Variants in CDH12 observed in about 807,000 individuals in gnomAD.
CDH12 encodes the protein cadherin-12.
In CDH12, 41 loss-of-function variants were observed where a neutral mutation model predicts 74.1. The observed-to-expected ratio is 0.55, with a 90% CI of 0.43 to 0.72. The LOEUF (loss-of-function observed/expected upper bound fraction) is 0.72, where lower values mean the gene tolerates loss of function less well. CDH12 is among the 30% of genes least tolerant of loss of function. CDH12 has a pLI of 0.00. For synonymous variants in CDH12, 399 were observed against 355.0 expected, an observed-to-expected ratio of 1.12 and a Z score of -1.39; for missense variants, 945 against 977.2, an observed-to-expected ratio of 0.97 and a Z score of 0.44.
At chr5:21,928,977 G>T (rs1754715094) in intron 6 of CDH12, among the ~76,000 whole-genome samples, 1 of 151,928 alleles carries the variant, frequency 6.6e-6, no homozygotes, top group Non-Finnish European at 1.5e-5. Context: ...TTCCATAAAT[G>T]ACCATCATAC....
At chr5:22,642,207 A>T (rs1739187612) in intron 1 of CDH12, among the ~76,000 whole-genome samples, 1 of 152,252 alleles carries the variant, frequency 6.6e-6, no homozygotes, top group Admixed American at 6.5e-5. Context: ...CTAAAATAAT[A>T]TATGAAAATT....
intron 1 of CDH12, among the ~76,000 whole-genome samples, chr5:22,538,013 A>G (rs985824715): frequency 4.6e-5 from 7 of 152,170 alleles, no homozygotes; most frequent in African/African-American, 1.7e-4. Context: ...AGCATGCAGT[A>G]AACTAGGAAT....
At chr5:22,168,120 T>C (rs529686568) in intron 4 of CDH12, among the ~76,000 whole-genome samples, 13 of 152,294 alleles carry the variant, frequency 8.5e-5, no homozygotes, top group Middle Eastern at 3.4e-3. Flanking sequence ...TTTGATTCAC[T>C]GTAGTTCTGT....
At chr5:22,293,554 T>A (rs1319900228) in intron 3 of CDH12, among the ~76,000 whole-genome samples, 1 of 152,108 alleles carries the variant, frequency 6.6e-6, no homozygotes, top group Non-Finnish European at 1.5e-5. Flanking sequence ...TTAGCCAAGA[T>A]ATGAAATAAA....
chr5:22,376,024 G>A (rs1164609216), intron 3 of CDH12, among the ~76,000 whole-genome samples: 1 of 152,142 alleles, frequency 6.6e-6, no homozygotes, highest in Non-Finnish European at 1.5e-5. Context: ...GTTTATTGTG[G>A]CATTATTCAC....
At chr5:21,818,975 A>G (rs959760272) in intron 8 of CDH12, among the ~76,000 whole-genome samples, 1 of 152,014 alleles carries the variant, frequency 6.6e-6, no homozygotes, top group African/African-American at 2.4e-5. Flanking sequence ...TTATTTCCTA[A>G]GCACTTAACA....
intron 3 of CDH12, among the ~76,000 whole-genome samples, chr5:22,345,639 G>A (rs1209679663): frequency 6.6e-6 from 1 of 152,196 alleles, no homozygotes; most frequent in Non-Finnish European, 1.5e-5. Context: ...TTCTATTTGA[G>A]TGTTCTTGCT....
Position 21,752,224 on chromosome 5 carries a change from A to T in CDH12, c.1898T>A (p.Leu633Gln), listed in dbSNP as rs775635864. 3 of 1,597,064 alleles carry T rather than the reference A, an allele frequency of 1.9e-6. No individual in the cohort carries two copies. Among genetic ancestry groups the T allele is most frequent in the Non-Finnish European group, 2.6e-6 (3 of 1,171,976 alleles). ...CTTCTGCCTTCGCAGTGCTACATAC[A>T]GTACAACTATGGCTGGAACAAGACA... ...CIVILLAIVV[L>Q]YVALRRQKKK... Residue 633 changes from leucine to glutamine, a missense_variant, in exon 15 of 15, where the codon CTG (leucine) becomes CAG (glutamine). By Grantham distance (113) the Leu-to-Gln change is moderately radical. This residue lies in a region of CDH12 where 791 missense variants were observed against 792.8 expected (regional missense o/e 1.00). Coordinates refer to ENST00000382254, the MANE Select transcript of CDH12 (RefSeq NM_004061.5).
At chr5:21,976,559 A>G (rs1021885261) in intron 5 of CDH12, among the ~76,000 whole-genome samples, 1 of 150,742 alleles carries the variant, frequency 6.6e-6, no homozygotes, top group African/African-American at 2.4e-5. Flanking sequence ...TATACATAAC[A>G]TAGTCTTATA....
At position 22,774,893 on chromosome 5, in the gene CDH12, C is replaced by T. The variant is rs1053957431; in HGVS notation, c.-523+78165G>A. Among the ~76,000 whole-genome samples the T allele has an allele frequency of 5.3e-5, 8 of 152,132 alleles. No individual in the cohort carries two copies. In the South Asian group the frequency reaches 1.5e-3, roughly 28 times the overall value. ...TACCTATTGAATTCTATGCTCACTA[C>T]CTGGGTGACAGGATCGTTTGCATCT... On this transcript the variant is annotated intron_variant, in intron 1 of 14. Transcript: ENST00000382254.
intron 4 of CDH12, among the ~76,000 whole-genome samples, chr5:22,190,271 A>G (rs889771018): frequency 3.3e-5 from 5 of 151,804 alleles, no homozygotes; most frequent in African/African-American, 7.3e-5. Flanking sequence ...TAGACACACA[A>G]TTTTCATTTT....
intron 1 of CDH12, among the ~76,000 whole-genome samples, chr5:22,833,103 C>T (rs1057051063): frequency 1.3e-5 from 2 of 151,980 alleles, no homozygotes; most frequent in African/African-American, 4.8e-5. Flanking sequence ...TCAAGGTTTC[C>T]CCAGGTAGAT....
intron 1 of CDH12, among the ~76,000 whole-genome samples, chr5:22,562,848 ATC>A (rs1411948470): frequency 3.5e-5 from 5 of 143,756 alleles, no homozygotes; most frequent in African/African-American, 1.2e-4. Flanking sequence ...CTCATAAATG[ATC>A]TCTTATAGTC....
chr5:22,526,607 C>T (rs1232029788), intron 1 of CDH12, among the ~76,000 whole-genome samples: 1 of 152,102 alleles, frequency 6.6e-6, no homozygotes, highest in Non-Finnish European at 1.5e-5. Flanking sequence ...GATGTCACCA[C>T]CTGGTTAAGC....
chr5:22,131,075 C>G (rs1746154705), intron 4 of CDH12, among the ~76,000 whole-genome samples: 2 of 151,932 alleles, frequency 1.3e-5, no homozygotes, highest in African/African-American at 4.8e-5. Context: ...TGAATTTATC[C>G]ATTTTATCCA....
chr5:22,378,720 A>T (rs1310505276), intron 3 of CDH12, among the ~76,000 whole-genome samples: 1 of 152,124 alleles, frequency 6.6e-6, no homozygotes, highest in Non-Finnish European at 1.5e-5. Context: ...AAATAAAATC[A>T]ATAGAAACAT....
chr5:22,373,603 T>TC (rs1402859019), intron 3 of CDH12, among the ~76,000 whole-genome samples: 1 of 152,088 alleles, frequency 6.6e-6, no homozygotes, highest in Admixed American at 6.5e-5. Flanking sequence ...GACATTCTAT[T>TC]CCCCAGCAAA....
intron 1 of CDH12, among the ~76,000 whole-genome samples, chr5:22,542,084 A>G (rs1042709738): frequency 3.3e-5 from 5 of 152,200 alleles, no homozygotes; most frequent in African/African-American, 9.6e-5. Flanking sequence ...TGACTATAGC[A>G]TTGCTTTTAA....
intron 1 of CDH12, among the ~76,000 whole-genome samples, chr5:22,791,733 T>A (rs1053514882): frequency 3.3e-5 from 5 of 152,172 alleles, no homozygotes; most frequent in Admixed American, 6.5e-5. Context: ...GCAAGGCATG[T>A]CTTACATGAC....
Sources: gnomAD v4.1 joint callset for allele counts (sites outside exome capture counted in the v4.1 genomes callset) on GRCh38, gnomAD v4.1.1 for gene constraint, gnomAD v4.1.1 regional missense constraint, MANE v1.5 for transcripts, NCBI Gene and HGNC (gene_info 2026-07-23, HGNC 2026-07-21) for gene names.